Variants in SGMS1 observed in about 807,000 individuals in gnomAD.
SGMS1 encodes phosphatidylcholine:ceramide cholinephosphotransferase 1.
SGMS1 carries 13 observed loss-of-function variants against 46.2 expected under a neutral mutation model. The ratio of observed to expected loss-of-function variants is 0.28; its 90% CI spans 0.18 to 0.45. The LOEUF is 0.45. Ranked by LOEUF, SGMS1 falls within the 20% of genes least tolerant of loss-of-function variation. SGMS1 has a pLI of 1.00. For synonymous variants in SGMS1, 203 were observed against 187.8 expected, an observed-to-expected ratio of 1.08 and a Z score of -0.66; for missense variants, 324 against 519.9, an observed-to-expected ratio of 0.62 and a Z score of 3.66.
At chr10:50,316,975 T>C (rs1049553154) in intron 8 of SGMS1, among the ~76,000 whole-genome samples, 6 of 152,174 alleles carry the variant, frequency 3.9e-5, no homozygotes, top group African/African-American at 1.4e-4. Context: ...CTTTTGGCTA[T>C]GAAAAAAGAG....
At chr10:50,529,013 A>G (rs945225956) in intron 2 of SGMS1, among the ~76,000 whole-genome samples, 1 of 152,220 alleles carries the variant, frequency 6.6e-6, no homozygotes, top group African/African-American at 2.4e-5. Context: ...AAGTGACTAT[A>G]TTTCCACAGC....
intron 9 of SGMS1, 121 bp downstream of exon 9, chr10:50,311,141 A>G: frequency 6.9e-6 from 8 of 1,156,774 alleles, no homozygotes; most frequent in African/African-American, 1.5e-5. Context: ...TGAAGCTGCA[A>G]GCCTCCTGAA....
chr10:50,370,676 G>A (rs1848421393), intron 6 of SGMS1, among the ~76,000 whole-genome samples: 1 of 150,352 alleles, frequency 6.7e-6, no homozygotes, highest in Non-Finnish European at 1.5e-5. Context: ...AGGAGGCAAC[G>A]TTTGCAGTGA....
At chr10:50,543,471 A>T (rs1838073787) in intron 2 of SGMS1, among the ~76,000 whole-genome samples, 1 of 152,250 alleles carries the variant, frequency 6.6e-6, no homozygotes, top group Non-Finnish European at 1.5e-5. Context: ...GCTAAGAAAC[A>T]AATATGTGGT....
chr10:50,603,685 T>C (rs919141529), intron 1 of SGMS1, among the ~76,000 whole-genome samples: 1 of 152,242 alleles, frequency 6.6e-6, no homozygotes, highest in African/African-American at 2.4e-5. Flanking sequence ...CACTGCATGA[T>C]TGTTTTAAAT....
intron 2 of SGMS1, among the ~76,000 whole-genome samples, chr10:50,542,431 T>C (rs1006904933): frequency 1.3e-5 from 2 of 152,074 alleles, no homozygotes; most frequent in African/African-American, 2.4e-5. Flanking sequence ...ACTTGAAAGA[T>C]TGAGACAAAG....
At chr10:50,311,143 C>T in intron 9 of SGMS1, 119 bp downstream of exon 9, 1 of 1,193,640 alleles carries the variant, frequency 8.4e-7, no homozygotes, top group Non-Finnish European at 1.2e-6. Flanking sequence ...AAGCTGCAAG[C>T]CTCCTGAAGC....
At chr10:50,479,682 C>T (rs908768443) in intron 3 of SGMS1, among the ~76,000 whole-genome samples, 2 of 151,968 alleles carry the variant, frequency 1.3e-5, no homozygotes, top group Admixed American at 1.3e-4. Flanking sequence ...TGTAATTTGC[C>T]CTTGGTCAAA....
At chr10:50,557,992 A>C (rs1353921845) in intron 2 of SGMS1, among the ~76,000 whole-genome samples, 2 of 152,226 alleles carry the variant, frequency 1.3e-5, no homozygotes, top group Non-Finnish European at 2.9e-5. Context: ...ACTTCAGCCA[A>C]TTAACTTATT....
At chr10:50,412,602 A>G (rs541557220) in intron 6 of SGMS1, among the ~76,000 whole-genome samples, 1 of 152,362 alleles carries the variant, frequency 6.6e-6, no homozygotes, top group African/African-American at 2.4e-5. Flanking sequence ...GGCAAGGCTG[A>G]GAGGGTATAA....
intron 3 of SGMS1, among the ~76,000 whole-genome samples, chr10:50,515,635 GA>G (rs1837795062): frequency 6.6e-6 from 1 of 152,166 alleles, no homozygotes; most frequent in Admixed American, 6.5e-5. Context: ...GCTCACTCAG[GA>G]AGCACTGGCC....
At chr10:50,554,582 T>C (rs915702400) in intron 2 of SGMS1, among the ~76,000 whole-genome samples, 5 of 152,290 alleles carry the variant, frequency 3.3e-5, no homozygotes, top group African/African-American at 9.6e-5. Flanking sequence ...AGAGGGAGTA[T>C]GGCATGCAGG....
rs575686888 is a variant in SGMS1 at position 50,550,408 on chromosome 10, C to T, written c.-588-30487G>A. Among the ~76,000 whole-genome samples the T allele has an allele frequency of 4.7e-5, 7 of 148,992 alleles. No individual in the cohort carries two copies. In the South Asian group the frequency reaches 6.2e-4, roughly 13 times the overall value. Reference sequence around the variant, plus strand: ...CCTCTATCTAATTTGCATGAAGCTGCGGACTAGCTATCCTGAAGCACAGCT... The same window carrying T: ...CCTCTATCTAATTTGCATGAAGCTGTGGACTAGCTATCCTGAAGCACAGCT... On this transcript the variant is annotated intron_variant, in intron 2 of 10. Transcript: ENST00000361781.
chr10:50,472,204 A>AT (rs1231361073), intron 3 of SGMS1, among the ~76,000 whole-genome samples: 1 of 152,152 alleles, frequency 6.6e-6, no homozygotes, highest in Non-Finnish European at 1.5e-5. Context: ...TCACATACTT[A>AT]TTTTTTATAG....
At chr10:50,502,788 T>C (rs141040245) in intron 3 of SGMS1, among the ~76,000 whole-genome samples, 1 of 152,322 alleles carries the variant, frequency 6.6e-6, no homozygotes, top group Non-Finnish European at 1.5e-5. Context: ...TGCAACTTTA[T>C]AAATGTACAT....
chr10:50,561,662 C>T (rs1838237785), intron 2 of SGMS1, among the ~76,000 whole-genome samples: 2 of 152,192 alleles, frequency 1.3e-5, no homozygotes, highest in African/African-American at 4.8e-5. Context: ...TTAAAATGAA[C>T]TAGAAATCCA....
At chr10:50,599,692 G>A (rs1046627330) in intron 1 of SGMS1, among the ~76,000 whole-genome samples, 15 of 151,958 alleles carry the variant, frequency 9.9e-5, no homozygotes, top group East Asian at 1.9e-4. Flanking sequence ...GTGAAACCCC[G>A]TCTCTATTAA....
intron 6 of SGMS1, among the ~76,000 whole-genome samples, chr10:50,416,831 T>C (rs1397557248): frequency 2.5e-5 from 2 of 78,670 alleles, no homozygotes; most frequent in Non-Finnish European, 5.0e-5. Flanking sequence ...GTTTCCTTTA[T>C]AGAACTAAAA....
intron 2 of SGMS1, among the ~76,000 whole-genome samples, chr10:50,541,546 A>G (rs777433421): frequency 1.3e-5 from 2 of 152,142 alleles, no homozygotes; most frequent in Non-Finnish European, 2.9e-5. Context: ...TTCCTGTGTG[A>G]ATGGCAAACA....
Sources: gnomAD v4.1 joint callset for allele counts (sites outside exome capture counted in the v4.1 genomes callset) on GRCh38, gnomAD v4.1.1 for gene constraint, MANE v1.5 for transcripts, NCBI Gene and HGNC (gene_info 2026-07-23, HGNC 2026-07-21) for gene names.